The following KALRN variants were observed in gnomAD, a reference collection of about 807,000 sequenced individuals.
KALRN encodes the protein kalirin.
KALRN carries 70 observed loss-of-function variants against 353.7 expected under a neutral mutation model. The observed-to-expected ratio is 0.20, with a 90% confidence interval of 0.16 to 0.24. KALRN has a LOEUF of 0.24. Ranked by LOEUF, KALRN falls within the 10% of genes least tolerant of loss-of-function variation. KALRN has a pLI of 1.00. For synonymous variants in KALRN, 1,391 were observed against 1,434.8 expected (o/e 0.97, Z 0.69); for missense variants, 2,791 against 3,756.7 (o/e 0.74, Z 6.72).
intron 11 of KALRN, among the ~76,000 whole-genome samples, chr3:124,394,428 A>G (rs2089901931): frequency 6.6e-6 from 1 of 152,196 alleles, no homozygotes; most frequent in African/African-American, 2.4e-5. Flanking sequence ...TTTTTCAGTA[A>G]TTCAGTTTTA....
Position 124,657,744 on chromosome 3 carries a change from G to A in KALRN, c.5977G>A (p.Ala1993Thr). The A allele has an allele frequency of 6.2e-7, 1 of 1,613,114 alleles. No homozygotes were observed. The highest frequency in any genetic ancestry group is 1.1e-5 in the South Asian group (1 of 91,010). The part of the protein sequence containing the change: ...IYDWHKDFFL[A>T]ELEKCIQEQD... ...CCTTTCTCCTTTTAGTTTTTTCCTG[G>A]CGGAACTGGAAAAGTGTATCCAGGA... is the stretch of plus-strand genomic sequence containing the variant. Residue 1993 changes from alanine to threonine, a missense_variant, in exon 41 of 60, where the codon GCG becomes ACG. Physicochemically the swap from Ala to Thr is moderately conservative, Grantham distance 58 (BLOSUM62 0). Transcript: ENST00000682506.
chr3:124,286,552 A>C (rs2075929485), intron 5 of KALRN, among the ~76,000 whole-genome samples: 1 of 152,080 alleles, frequency 6.6e-6, no homozygotes, highest in Admixed American at 6.5e-5. Context: ...CACCCTGCCC[A>C]GTGTGCTGTT....
At chr3:124,062,333 A>G (rs1041025319) in intron 1 of KALRN, among the ~76,000 whole-genome samples, 3 of 152,226 alleles carry the variant, frequency 2.0e-5, no homozygotes, top group Non-Finnish European at 4.4e-5. Flanking sequence ...TCCCTAAGCA[A>G]CAGAGCTTTG....
intron 51 of KALRN, among the ~76,000 whole-genome samples, chr3:124,693,586 G>A (rs1159925472): frequency 6.6e-6 from 1 of 152,196 alleles, no homozygotes; most frequent in Non-Finnish European, 1.5e-5. Context: ...AGGCAGGAAT[G>A]TGAACAACTG....
intron 37 of KALRN, among the ~76,000 whole-genome samples, chr3:124,639,163 G>A (rs2081718409): frequency 6.6e-6 from 1 of 151,928 alleles, no homozygotes; most frequent in Admixed American, 6.6e-5. Context: ...TGTTCATATG[G>A]CCCCATTTCT....
At chr3:124,149,785 G>C (rs1029800005) in intron 1 of KALRN, among the ~76,000 whole-genome samples, 7 of 152,202 alleles carry the variant, frequency 4.6e-5, no homozygotes, top group African/African-American at 1.7e-4. Context: ...ACAAATGTAA[G>C]AGAACCATCT....
At chr3:124,280,022 A>C (rs2075182036) in intron 5 of KALRN, among the ~76,000 whole-genome samples, 1 of 152,206 alleles carries the variant, frequency 6.6e-6, no homozygotes, top group African/African-American at 2.4e-5. Context: ...TGTTCATGCC[A>C]TGTGGGTTAC....
chr3:124,183,218 C>A (rs921036215), intron 1 of KALRN, among the ~76,000 whole-genome samples: 1 of 152,120 alleles, frequency 6.6e-6, no homozygotes, highest in Non-Finnish European at 1.5e-5. Context: ...TAATTAATTA[C>A]TGGGCAATTT....
intron 1 of KALRN, among the ~76,000 whole-genome samples, chr3:124,036,509 C>G (rs964409489): frequency 1.3e-5 from 2 of 151,714 alleles, no homozygotes; most frequent in Non-Finnish European, 2.9e-5. Flanking sequence ...CTATTGTGAA[C>G]AGTGCTGCAA....
intron 12 of KALRN, among the ~76,000 whole-genome samples, chr3:124,396,145 T>C (rs1212018842): frequency 6.6e-6 from 1 of 152,174 alleles, no homozygotes; most frequent in Non-Finnish European, 1.5e-5. Flanking sequence ...GACTTTTTCC[T>C]ATCCCAAAAT....
chr3:124,053,403 G>C (rs539995859), intron 1 of KALRN, among the ~76,000 whole-genome samples: 1 of 152,332 alleles, frequency 6.6e-6, no homozygotes, highest in African/African-American at 2.4e-5. Context: ...TTAATGTCTA[G>C]TTGATGTTGG....
intron 25 of KALRN, among the ~76,000 whole-genome samples, chr3:124,472,546 T>A (rs2061023734): frequency 6.6e-6 from 1 of 150,860 alleles, no homozygotes; most frequent in African/African-American, 2.5e-5. Context: ...AAATTGTTTT[T>A]AATTTTAAAT....
At chr3:124,617,985 G>A (rs897270465) in intron 34 of KALRN, among the ~76,000 whole-genome samples, 2 of 151,864 alleles carry the variant, frequency 1.3e-5, no homozygotes, top group Non-Finnish European at 2.9e-5. Context: ...GAAAAAGACT[G>A]GGGGCAGAGA....
chr3:124,318,501 T>G (rs75064488), intron 6 of KALRN, among the ~76,000 whole-genome samples: 1 of 152,214 alleles, frequency 6.6e-6, no homozygotes, highest in African/African-American at 2.4e-5. Context: ...TTAAACTAAT[T>G]AATCATAAAC....
At chr3:124,154,662 A>G (rs1560097338) in intron 1 of KALRN, among the ~76,000 whole-genome samples, 1 of 152,238 alleles carries the variant, frequency 6.6e-6, no homozygotes, top group African/African-American at 2.4e-5. Context: ...GGAAGAATCA[A>G]TATCGTGAAA....
intron 33 of KALRN, among the ~76,000 whole-genome samples, chr3:124,553,775 A>G (rs1389977036): frequency 6.6e-6 from 1 of 152,260 alleles, no homozygotes; most frequent in Admixed American, 6.5e-5. Context: ...AGGAGCCAGG[A>G]GATGCCTCCC....
chr3:124,262,300 A>G (rs989757110), intron 3 of KALRN, among the ~76,000 whole-genome samples: 1 of 152,214 alleles, frequency 6.6e-6, no homozygotes, highest in Admixed American at 6.5e-5. Flanking sequence ...AACTCTACGC[A>G]CAGAAAAGGT....
intron 33 of KALRN, among the ~76,000 whole-genome samples, chr3:124,559,726 G>A (rs947932780): frequency 3.3e-5 from 5 of 152,224 alleles, no homozygotes; most frequent in Non-Finnish European, 7.3e-5. Flanking sequence ...AGGGACTGTT[G>A]CAGGAGCAGC....
intron 34 of KALRN, among the ~76,000 whole-genome samples, chr3:124,605,949 T>G (rs2077303915): frequency 1.3e-5 from 2 of 152,190 alleles, no homozygotes; most frequent in African/African-American, 4.8e-5. Flanking sequence ...TTGCCGCAGC[T>G]TTTTGCATCT....
Sources: gnomAD v4.1 joint callset for allele counts (sites outside exome capture counted in the v4.1 genomes callset) on GRCh38, gnomAD v4.1.1 for gene constraint, MANE v1.5 for transcripts, NCBI Gene and HGNC (gene_info 2026-07-23, HGNC 2026-07-21) for gene names.